Variants in TBCA observed in about 807,000 individuals in gnomAD.
The protein encoded by TBCA is tubulin-specific chaperone A.
In TBCA, 6 loss-of-function variants were observed where a neutral mutation model predicts 15.8. The observed-to-expected ratio is 0.38, with a 90% CI of 0.21 to 0.75. TBCA has a LOEUF of 0.75. Among genes scored for constraint, TBCA ranks in the 30% least tolerant of loss-of-function variants. The pLI is 0.46. For synonymous variants in TBCA, 32 were observed against 42.3 expected (o/e 0.76, Z 0.94); for missense variants, 90 against 131.2 (o/e 0.69, Z 1.53).
At chr5:77,776,174 G>T in intron 1 of TBCA, 31 bp downstream of exon 1, 1 of 1,552,348 alleles carries the variant, frequency 6.4e-7, no homozygotes, top group Non-Finnish European at 8.7e-7. Context: ...TGACGAAGAG[G>T]AGGTGCAGGG....
At chr5:77,768,558 C>T (rs1298218140) in intron 1 of TBCA, among the ~76,000 whole-genome samples, 3 of 152,100 alleles carry the variant, frequency 2.0e-5, no homozygotes, top group East Asian at 1.9e-4. Flanking sequence ...ACTGCTTATC[C>T]GATCAGGTTC....
At chr5:77,743,859 A>C (rs929938177) in intron 1 of TBCA, among the ~76,000 whole-genome samples, 2 of 152,192 alleles carry the variant, frequency 1.3e-5, no homozygotes, top group African/African-American at 2.4e-5. Flanking sequence ...CATCGTAGGC[A>C]CTAGGCATAT....
intron 2 of TBCA, among the ~76,000 whole-genome samples, chr5:77,697,976 C>T: frequency 6.6e-6 from 1 of 151,754 alleles, no homozygotes; most frequent in Non-Finnish European, 1.5e-5. Flanking sequence ...AAAAATTAGC[C>T]AGGTGTGGTG....
chr5:77,693,887 T>A (rs1745815181), intron 2 of TBCA, among the ~76,000 whole-genome samples: 2 of 152,030 alleles, frequency 1.3e-5, no homozygotes, highest in Admixed American at 6.6e-5. Context: ...ACTAAATCTT[T>A]TTGGTAATCA....
chr5:77,696,829 G>A (rs1745882821), intron 2 of TBCA, among the ~76,000 whole-genome samples: 1 of 152,142 alleles, frequency 6.6e-6, no homozygotes, highest in Admixed American at 6.5e-5. Context: ...GAGGCAGGAG[G>A]ATTACTTGAG....
chr5:77,766,390 C>A (rs1747777418), intron 1 of TBCA, among the ~76,000 whole-genome samples: 1 of 151,986 alleles, frequency 6.6e-6, no homozygotes, highest in Admixed American at 6.6e-5. Context: ...TCTTTTATAT[C>A]TCTAATAAAA....
Position 77,691,187 on chromosome 5 carries a change from T to C in TBCA, c.*231A>G, listed in dbSNP as rs144829985. The C allele has an allele frequency of 8.6e-6, 4 of 467,790 alleles. No individual in the cohort carries two copies. Among genetic ancestry groups the C allele is most frequent in the African/African-American group, 4.1e-5 (2 of 48,416 alleles). 29.0% of individuals were successfully genotyped at this position (467,790 alleles called of 1,614,324 possible). A position where few individuals can be genotyped will look rare whatever the true frequency, so the allele number is the denominator to read the frequency against. On this transcript the variant is annotated 3_prime_UTR_variant, in exon 4 of 4. Coordinates refer to ENST00000380377, the MANE Select transcript of TBCA (RefSeq NM_004607.3). ...ATAGTTCTCTGTCATAAAGTCTATG[T>C]GGTTTAATGATAAAAGGTTAATTTA...
chr5:77,776,288 G>A lies in TBCA; in HGVS notation c.-31C>T, dbSNP rs1379019375. 3 of 1,564,760 alleles carry A rather than the reference G, an allele frequency of 1.9e-6. No individual in the cohort carries two copies. Among genetic ancestry groups the A allele is most frequent in the Non-Finnish European group, 2.6e-6 (3 of 1,155,626 alleles). The stretch of plus-strand genomic sequence containing the variant: ...CTCGAGCGCCGCGAGAAGGAGGGGC[G>A]GAGAGCCGGGGTAACCGTGGAGGGC... On this transcript the variant is annotated 5_prime_UTR_variant, in exon 1 of 4. Coordinates refer to ENST00000380377, the MANE Select transcript of TBCA (RefSeq NM_004607.3).
At chr5:77,733,715 T>C (rs1260708872) in intron 1 of TBCA, among the ~76,000 whole-genome samples, 1 of 152,240 alleles carries the variant, frequency 6.6e-6, no homozygotes, top group African/African-American at 2.4e-5. Context: ...ATGTAGAAGC[T>C]ACAGCAAGTT....
At chr5:77,776,125 G>C (rs1016254049) in intron 1 of TBCA, 80 bp downstream of exon 1, 14 of 1,527,174 alleles carry the variant, frequency 9.2e-6, no homozygotes, top group African/African-American at 4.2e-5. Context: ...GGGCCTCCTC[G>C]GGCCTGCGCT....
chr5:77,719,128 G>A (rs548130755), intron 1 of TBCA, among the ~76,000 whole-genome samples: 1 of 152,232 alleles, frequency 6.6e-6, no homozygotes, highest in South Asian at 2.1e-4. Context: ...ATTACCCTGC[G>A]TGGTAAGCAG....
intron 1 of TBCA, among the ~76,000 whole-genome samples, chr5:77,718,289 C>G (rs1196098282): frequency 6.6e-6 from 1 of 152,140 alleles, no homozygotes; most frequent in East Asian, 1.9e-4. Flanking sequence ...AGTAAAATAT[C>G]AAGGCCTATA....
intron 2 of TBCA, among the ~76,000 whole-genome samples, chr5:77,696,420 T>C (rs1745872383): frequency 6.6e-6 from 1 of 152,176 alleles, no homozygotes. Flanking sequence ...AGAAGAATCT[T>C]AAGTCAAAGA....
Position 77,776,275 on chromosome 5 carries a change from GAGA to G in TBCA, c.-21_-19del, listed in dbSNP as rs758271151. On this transcript the variant is annotated 5_prime_UTR_variant, in exon 1 of 4. Coordinates refer to ENST00000380377, the MANE Select transcript of TBCA (RefSeq NM_004607.3). Reference sequence around the variant, plus strand: ...TCGGCCATGGTCCCTCGAGCGCCGCGAGAAGGAGGGGCGGAGAGCCGGGGTAAC... The same window carrying G: ...TCGGCCATGGTCCCTCGAGCGCCGCGAGGAGGGGCGGAGAGCCGGGGTAAC... 7.2e-5 allele frequency: 113 copies of G among 1,573,086 alleles called. 1 individual carries two copies. The highest frequency in any genetic ancestry group is 1.8e-4 in the Admixed American group (10 of 54,440).
intron 1 of TBCA, among the ~76,000 whole-genome samples, chr5:77,749,433 G>A (rs1335971628): frequency 3.9e-5 from 6 of 152,170 alleles, no homozygotes; most frequent in Admixed American, 3.9e-4. Flanking sequence ...TAACAGATGT[G>A]TGCATATTTT....
chr5:77,742,449 A>C (rs1747064057), intron 1 of TBCA, among the ~76,000 whole-genome samples: 1 of 152,222 alleles, frequency 6.6e-6, no homozygotes, highest in Admixed American at 6.5e-5. Context: ...CTTTTATTCT[A>C]CTAACTGAAT....
At chr5:77,729,934 T>C (rs1273393526) in intron 1 of TBCA, among the ~76,000 whole-genome samples, 3 of 152,224 alleles carry the variant, frequency 2.0e-5, no homozygotes, top group Non-Finnish European at 2.9e-5. Context: ...TTGAGTTTAC[T>C]TTATCCTGAG....
intron 1 of TBCA, among the ~76,000 whole-genome samples, chr5:77,726,412 C>T (rs1462178525): frequency 2.0e-5 from 3 of 152,160 alleles, no homozygotes; most frequent in Non-Finnish European, 4.4e-5. Context: ...TTCTTCATTA[C>T]ATGCAGGAAA....
Position 77,695,796 on chromosome 5 carries a change from A to G in TBCA, c.160-2444T>C, listed in dbSNP as rs574816264. On this transcript the variant is annotated intron_variant, in intron 2 of 3. Transcript: ENST00000380377. ...ATGATAAATCTGAGCTTAATTCAGG[A>G]TCTTGGCACAGACTGGGAGATGCAA... Among the ~76,000 whole-genome samples the G allele has an allele frequency of 7.2e-5, 11 of 152,334 alleles. No homozygotes were observed. In the South Asian group the frequency reaches 1.0e-3, roughly 14 times the overall value.
Sources: allele counts gnomAD v4.1 joint callset (sites outside exome capture counted in the v4.1 genomes callset), GRCh38; gene constraint gnomAD v4.1.1; transcripts MANE v1.5; gene names NCBI Gene and HGNC (gene_info 2026-07-23, HGNC 2026-07-21).